KIAA1671: variants seen among roughly 807,000 people sequenced by gnomAD.
The protein encoded by KIAA1671 is uncharacterized protein KIAA1671.
Under a neutral mutation model 131.2 loss-of-function variants are expected in KIAA1671, and 52 were observed. The observed-to-expected ratio is 0.40, with a 90% CI of 0.32 to 0.50. The LOEUF (loss-of-function observed/expected upper bound fraction) is 0.50, where lower values mean the gene tolerates loss of function less well. Ranked by LOEUF, KIAA1671 falls within the 20% of genes least tolerant of loss-of-function variation. The probability of loss-of-function intolerance (pLI) is 0.73; values close to 1 mark genes in which losing one functional copy is unlikely to be tolerated. For synonymous variants in KIAA1671, 1,003 were observed against 961.6 expected, an observed-to-expected ratio of 1.04 and a Z score of -0.80; for missense variants, 2,360 against 2,364.2, an observed-to-expected ratio of 1.00 and a Z score of 0.04.
chr22:25,000,444 C>T (rs1924395421), intron 1 of KIAA1671, among the ~76,000 whole-genome samples: 1 of 101,158 alleles, frequency 9.9e-6, no homozygotes, highest in African/African-American at 3.7e-5. Flanking sequence ...CCGCCCGCCT[C>T]GGCCTCCCAA....
intron 5 of KIAA1671, among the ~76,000 whole-genome samples, chr22:25,045,525 C>T (rs1394774299): frequency 6.6e-6 from 1 of 152,170 alleles, no homozygotes; most frequent in African/African-American, 2.4e-5. Flanking sequence ...AATGCATAGA[C>T]TTAGATATAG....
intron 6 of KIAA1671, among the ~76,000 whole-genome samples, chr22:25,097,507 G>A (rs1243197816): frequency 6.6e-6 from 1 of 152,182 alleles, no homozygotes; most frequent in Non-Finnish European, 1.5e-5. Flanking sequence ...TTGGGAGGCT[G>A]AGGCAGATGG....
intron 1 of KIAA1671, among the ~76,000 whole-genome samples, chr22:24,981,252 A>G (rs1294535049): frequency 1.3e-5 from 2 of 151,942 alleles, no homozygotes; most frequent in African/African-American, 4.8e-5. Flanking sequence ...TGTTTTCTGG[A>G]AATACTTTGT....
chr22:25,068,146 T>C (rs1277039504), intron 6 of KIAA1671, among the ~76,000 whole-genome samples: 1 of 152,112 alleles, frequency 6.6e-6, no homozygotes, highest in African/African-American at 2.4e-5. Flanking sequence ...TGTCTGGCAG[T>C]TAGGGAGCAG....
chr22:25,042,454 C>T (rs1290414322), intron 5 of KIAA1671, among the ~76,000 whole-genome samples: 9 of 146,212 alleles, frequency 6.2e-5, no homozygotes, highest in Non-Finnish European at 1.3e-4. Context: ...TGGGTTCCAG[C>T]AGTCCCTTGT....
intron 8 of KIAA1671, chr22:25,177,142 T>G: frequency 1.8e-6 from 1 of 559,588 alleles, no homozygotes; most frequent in South Asian, 2.6e-5. Context: ...CCACCTGACT[T>G]TTGTCATCAG....
chr22:25,179,440 G>C (rs1304256828), intron 9 of KIAA1671: 15 of 1,613,328 alleles, frequency 9.3e-6, no homozygotes, highest in Non-Finnish European at 1.2e-5. Flanking sequence ...ATTTGTAGTT[G>C]AGCTTCTCCT....
chr22:25,123,002 A>G (rs967819828), intron 6 of KIAA1671, among the ~76,000 whole-genome samples: 1 of 151,932 alleles, frequency 6.6e-6, no homozygotes, highest in African/African-American at 2.4e-5. Flanking sequence ...AGTCATTATC[A>G]TCATCACCAT....
At position 25,028,133 on chromosome 22, in the gene KIAA1671, C is replaced by T; in HGVS notation, c.134C>T (p.Ala45Val). The T allele has an allele frequency of 6.4e-6, 10 of 1,551,226 alleles. No individual in the cohort carries two copies. The highest frequency in any genetic ancestry group is 1.2e-5 in the South Asian group (1 of 84,004). ...GGCGAAGCCTCTGGGGCTCCCCCAG[C>T]CCGGATCTTGGAAGCGAAGAGCCCC... The part of the protein sequence containing the change: ...QAGEASGAPP[A>V]RILEAKSPLR... The change falls in exon 3 of 13, where the codon GCC becomes GTC. Residue 45 changes from alanine to valine, a missense_variant. Physicochemically the swap from Ala to Val is moderately conservative, Grantham distance 64 (BLOSUM62 0). Around this residue, in one of 3 missense-constraint regions of KIAA1671, gnomAD observed 1,185 missense variants for 1,126.2 expected, o/e 1.05. Coordinates refer to ENST00000358431, the MANE Select transcript of KIAA1671 (RefSeq NM_001145206.2).
Position 25,040,489 on chromosome 22 carries a change from T to C in KIAA1671, c.3359T>C (p.Phe1120Ser). Residue 1120 changes from phenylalanine to serine, a missense_variant, in exon 5 of 13, where the codon TTC becomes TCC. Transcript: ENST00000358431. ...CTTGGGGCCTGGAGTCTGGACCCTT[T>C]CAATGGAAGAATCATTGATGTGGAT... ...SSLGAWSLDP[F>S]NGRIIDVDAL... 6.4e-7 allele frequency: 1 copy of C among 1,551,968 alleles called. No homozygotes were observed. Among genetic ancestry groups the C allele is most frequent in the East Asian group, 2.4e-5 (1 of 40,926 alleles).
At chr22:25,069,781 G>C (rs963012211) in intron 6 of KIAA1671, among the ~76,000 whole-genome samples, 4 of 152,140 alleles carry the variant, frequency 2.6e-5, no homozygotes, top group Admixed American at 6.6e-5. Context: ...TGTAACGAGT[G>C]GCAGGGCCTC....
At chr22:25,182,555 T>G (rs1436101510) in intron 10 of KIAA1671, among the ~76,000 whole-genome samples, 1 of 152,196 alleles carries the variant, frequency 6.6e-6, no homozygotes, top group African/African-American at 2.4e-5. Context: ...ATGATAGTAT[T>G]TCACATGACC....
chr22:25,003,783 C>A (rs1924597053), intron 1 of KIAA1671, among the ~76,000 whole-genome samples: 1 of 151,606 alleles, frequency 6.6e-6, no homozygotes, highest in Admixed American at 6.6e-5. Flanking sequence ...TCCATACATT[C>A]AAATTTATAT....
chr22:24,980,800 G>T (rs746159669), intron 1 of KIAA1671, among the ~76,000 whole-genome samples: 12 of 150,742 alleles, frequency 8.0e-5, no homozygotes, highest in Non-Finnish European at 1.2e-4. Context: ...AGGCTGAAGT[G>T]CAGTGGCATG....
intron 1 of KIAA1671, among the ~76,000 whole-genome samples, chr22:24,959,521 CAAAAAG>C: frequency 6.6e-6 from 1 of 151,950 alleles, no homozygotes; most frequent in South Asian, 2.1e-4. Context: ...GACTCTGTCT[CAAAAAG>C]TAAAAATAAA....
At chr22:25,118,138 C>CAA (rs56262467) in intron 6 of KIAA1671, among the ~76,000 whole-genome samples, 2 of 117,776 alleles carry the variant, frequency 1.7e-5, no homozygotes, top group South Asian at 3.0e-4. Flanking sequence ...AACTCTGTCT[C>CAA]AAAAAAAAAA....
intron 6 of KIAA1671, among the ~76,000 whole-genome samples, chr22:25,068,447 T>C (rs1274762938): frequency 1.3e-5 from 2 of 152,002 alleles, no homozygotes; most frequent in Non-Finnish European, 2.9e-5. Flanking sequence ...TTTGTTGTTT[T>C]TTTTTTTGAG....
At chr22:25,182,319 T>TTCCTTTTCTCTTCTTTCTTTCCTCCC (rs1444156179) in intron 10 of KIAA1671, among the ~76,000 whole-genome samples, 14 of 149,512 alleles carry the variant, frequency 9.4e-5, no homozygotes, top group East Asian at 2.0e-4. Flanking sequence ...CCCTTTCTCC[T>TTCCTTTTCTCTTCTTTCTTTCCTCCC]TCCTTTTCTC....
chr22:25,090,766 G>T (rs1279026170), intron 6 of KIAA1671, among the ~76,000 whole-genome samples: 2 of 152,246 alleles, frequency 1.3e-5, no homozygotes, highest in African/African-American at 2.4e-5. Flanking sequence ...GACATGTGTA[G>T]TGACTTGCCC....
Sources: gnomAD v4.1 joint callset for allele counts (sites outside exome capture counted in the v4.1 genomes callset) on GRCh38, gnomAD v4.1.1 for gene constraint, gnomAD v4.1.1 regional missense constraint, MANE v1.5 for transcripts, NCBI Gene and HGNC (gene_info 2026-07-23, HGNC 2026-07-21) for gene names.